The following PALLD variants were observed in gnomAD, a reference collection of about 807,000 sequenced individuals.
PALLD encodes palladin, cytoskeletal associated protein, also known as palladin.
In PALLD, 61 loss-of-function variants were observed where a neutral mutation model predicts 123.5. The observed-to-expected ratio is 0.49, with a 90% confidence interval of 0.40 to 0.61. The LOEUF (loss-of-function observed/expected upper bound fraction) is 0.61. Ranked by LOEUF, PALLD falls within the 20% of genes least tolerant of loss-of-function variation. The pLI is 0.00. For missense variants in PALLD, 1,273 were observed against 1,377.0 expected (o/e 0.92, Z 1.20); for synonymous variants, 465 against 496.4 (o/e 0.94, Z 0.84).
chr4:168,705,823 A>G (rs1244740520), intron 8 of PALLD, among the ~76,000 whole-genome samples: 2 of 152,110 alleles, frequency 1.3e-5, no homozygotes, highest in East Asian at 3.9e-4. Context: ...GTGTGTTTTT[A>G]GGAGAGATGG....
chr4:168,547,878 G>A (rs182112995), intron 2 of PALLD, among the ~76,000 whole-genome samples: 106 of 151,000 alleles, frequency 7.0e-4, no homozygotes, highest in Admixed American at 1.6e-3. Context: ...CCCGGGAGGC[G>A]GAGCTTGCAG....
intron 10 of PALLD, among the ~76,000 whole-genome samples, chr4:168,761,664 T>G (rs1207193643): frequency 5.7e-4 from 43 of 75,772 alleles, no homozygotes; most frequent in Non-Finnish European, 8.8e-4. Flanking sequence ...TTTTTTTTTT[T>G]TTTTTTTTTT....
intron 17 of PALLD, among the ~76,000 whole-genome samples, chr4:168,916,455 C>T (rs1048993779): frequency 4.1e-5 from 6 of 147,766 alleles, no homozygotes; most frequent in African/African-American, 9.8e-5. Context: ...AAGTGAAATA[C>T]GTCGGATATT....
At chr4:168,916,491 A>AAATCT (rs1760127637) in intron 17 of PALLD, among the ~76,000 whole-genome samples, 2 of 151,412 alleles carry the variant, frequency 1.3e-5, no homozygotes, top group Non-Finnish European at 2.9e-5. Flanking sequence ...ATGATTCTTT[A>AAATCT]AATCTAAATT....
At chr4:168,808,083 T>C (rs1740494045) in intron 10 of PALLD, among the ~76,000 whole-genome samples, 1 of 152,020 alleles carries the variant, frequency 6.6e-6, no homozygotes, top group Admixed American at 6.6e-5. Flanking sequence ...ATATCTCATA[T>C]GTGTAATATA....
chr4:168,675,691 C>A (rs1409293956), intron 3 of PALLD, among the ~76,000 whole-genome samples: 4 of 152,004 alleles, frequency 2.6e-5, no homozygotes, highest in Non-Finnish European at 4.4e-5. Context: ...ACAGTGTAGG[C>A]CATTATTATT....
At chr4:168,846,079 T>C (rs1746799548) in intron 10 of PALLD, among the ~76,000 whole-genome samples, 1 of 152,238 alleles carries the variant, frequency 6.6e-6, no homozygotes, top group Non-Finnish European at 1.5e-5. Flanking sequence ...GTCATTTCAA[T>C]ACCAAGTCCT....
At position 168,869,270 on chromosome 4, in the gene PALLD, T is replaced by C. The variant is rs1427180740; in HGVS notation, c.1965-21652T>C. On this transcript the variant is annotated intron_variant, in intron 10 of 21. Coordinates refer to ENST00000505667, the MANE Select transcript of PALLD (RefSeq NM_001166108.2). This position sits in a 1 kb window ranked among gnomAD's most constrained non-coding sequence, Gnocchi z 4.5. ...AGTGACATCTATGTGCAAAACACTGTAATAATCAAGAAGATAGAACACATC... is the reference window on the plus strand; with the variant it reads ...AGTGACATCTATGTGCAAAACACTGCAATAATCAAGAAGATAGAACACATC... Among the ~76,000 whole-genome samples, 1 of 152,146 alleles carries C rather than the reference T, an allele frequency of 6.6e-6. No individual in the cohort carries two copies.
intron 2 of PALLD, among the ~76,000 whole-genome samples, chr4:168,597,293 G>T (rs1458235958): frequency 6.6e-6 from 1 of 152,002 alleles, no homozygotes; most frequent in African/African-American, 2.4e-5. Context: ...AAGAGTGTGG[G>T]GAAACAGGCA....
chr4:168,890,262 C>T (rs1336521488), intron 10 of PALLD, among the ~76,000 whole-genome samples: 3 of 152,154 alleles, frequency 2.0e-5, no homozygotes, highest in Non-Finnish European at 4.4e-5. Flanking sequence ...CCTGGCCTCA[C>T]CAGAAGTTCA....
chr4:168,926,333 A>T lies in PALLD; in HGVS notation c.*153A>T. ...AAAGCAGCGTTCCAACCTGAGGCCA[A>T]CCCATCTCACCTGACACTGAATACT... On this transcript the variant is annotated 3_prime_UTR_variant, in exon 22 of 22. Transcript: ENST00000505667. 1.3e-6 allele frequency: 2 copies of T among 1,537,406 alleles called. No individual in the cohort carries two copies. The highest frequency in any genetic ancestry group is 1.7e-6 in the Non-Finnish European group (2 of 1,146,866).
rs960155075 is a variant in PALLD, at chr4:168,681,349, T to A, written c.1105T>A (p.Ser369Thr). 2.5e-6 allele frequency: 4 copies of A among 1,606,928 alleles called. No individual in the cohort carries two copies. Among genetic ancestry groups the A allele is most frequent in the Non-Finnish European group, 3.4e-6 (4 of 1,173,814 alleles). Reference sequence around the variant, plus strand: ...TTTCCCAGGTGCCAGTTCAACAGATTCTGACAGTGAAAGTTTAGCTTTCAA... The same window carrying A: ...TTTCCCAGGTGCCAGTTCAACAGATACTGACAGTGAAAGTTTAGCTTTCAA... Reference protein sequence around the residue: ...VFIEGASSTDSDSESLAFKSR... With the variant: ...VFIEGASSTDTDSESLAFKSR... Residue 369 changes from serine to threonine, a missense_variant, in exon 4 of 22, where the codon TCT becomes ACT. By Grantham distance (58) the Ser-to-Thr change is moderately conservative (BLOSUM62 1). Transcript: ENST00000505667.
At position 168,603,067 on chromosome 4, in the gene PALLD, C is replaced by T. The variant is rs150181911; in HGVS notation, c.909-65123C>T. ...ATAATGTGAGCCATCATACCTGGCC[C>T]TGAATGTATTAAAACTATGCAGTGA... On this transcript the variant is annotated intron_variant, in intron 2 of 21. Transcript: ENST00000505667. 1.4e-4 allele frequency among the ~76,000 whole-genome samples: 22 copies of T among 152,276 alleles called. No homozygotes were observed. The East Asian group carries it at 3.9e-3, about 27-fold the overall frequency.
At chr4:168,570,119 A>G (rs1160827766) in intron 2 of PALLD, among the ~76,000 whole-genome samples, 1 of 152,160 alleles carries the variant, frequency 6.6e-6, no homozygotes, top group Admixed American at 6.6e-5. Flanking sequence ...TTGGTTATTT[A>G]CCGAGTACAA....
At chr4:168,775,731 A>G (rs899693956) in intron 10 of PALLD, among the ~76,000 whole-genome samples, 3 of 152,126 alleles carry the variant, frequency 2.0e-5, no homozygotes, top group Non-Finnish European at 4.4e-5. Flanking sequence ...GTATGAATTG[A>G]AGCTCTTTTT....
chr4:168,894,106 C>A, intron 11 of PALLD: 1 of 188,480 alleles, frequency 5.3e-6, no homozygotes, highest in Non-Finnish European at 1.1e-5. Flanking sequence ...AGAATTATTT[C>A]CATTAGCGAT....
At chr4:168,896,072 T>C (rs1173107095) in intron 12 of PALLD, among the ~76,000 whole-genome samples, 1 of 152,086 alleles carries the variant, frequency 6.6e-6, no homozygotes, top group African/African-American at 2.4e-5. Flanking sequence ...TAGCCGGGTG[T>C]GGTGGCGTGC....
chr4:168,508,680 A>G (rs1176601013), intron 1 of PALLD, among the ~76,000 whole-genome samples: 1 of 152,260 alleles, frequency 6.6e-6, no homozygotes, highest in African/African-American at 2.4e-5. Context: ...TAAAAAACAC[A>G]GTAGCTTTCT....
intron 8 of PALLD, among the ~76,000 whole-genome samples, chr4:168,706,460 A>G (rs560225012): frequency 6.6e-6 from 1 of 152,336 alleles, no homozygotes; most frequent in African/African-American, 2.4e-5. Context: ...TATATCTTAG[A>G]AATGAGTTGA....
Sources: allele counts gnomAD v4.1 joint callset (sites outside exome capture counted in the v4.1 genomes callset), GRCh38; gene constraint gnomAD v4.1.1; non-coding constraint Gnocchi (gnomAD v3.1); transcripts MANE v1.5; gene names NCBI Gene and HGNC (gene_info 2026-07-23, HGNC 2026-07-21).